The following WDR25 variants were observed in gnomAD, a reference collection of about 807,000 sequenced individuals.
The protein encoded by WDR25 is WD repeat-containing protein 25.
A neutral mutation model predicts 47.7 loss-of-function variants in WDR25; 35 were observed. That is an observed-to-expected ratio of 0.73 (90% CI 0.56 to 0.97). The LOEUF (loss-of-function observed/expected upper bound fraction) is 0.97, where lower values mean the gene tolerates loss of function less well. Among genes scored for constraint, WDR25 ranks in the 50% least tolerant of loss-of-function variants. WDR25 has a pLI of 0.00. For missense variants in WDR25, 634 were observed against 704.7 expected (o/e 0.90, Z 1.14); for synonymous variants, 248 against 278.9 (o/e 0.89, Z 1.10).
Position 100,502,972 on chromosome 14 carries a change from T to A in WDR25, c.1101+18848T>A, listed in dbSNP as rs550970769. Among the ~76,000 whole-genome samples the A allele has an allele frequency of 5.3e-5, 8 of 152,148 alleles. No homozygotes were observed. Among genetic ancestry groups the A allele is most frequent in the African/African-American group, 1.4e-4 (6 of 41,510 alleles). On this transcript the variant is annotated intron_variant, in intron 4 of 6. Coordinates refer to ENST00000402312, the MANE Select transcript of WDR25 (RefSeq NM_001161476.3). The surrounding 1 kb of genome is among the most constrained non-coding windows in gnomAD (Gnocchi z 4.5). ...GTCTGTGAGTGTGTGTGTCTGTATG[T>A]GTGTCGGTGCATGTGTGTGTGTCCA...
chr14:100,488,262 C>T lies in WDR25; in HGVS notation c.1101+4138C>T, dbSNP rs1307658421. Among the ~76,000 whole-genome samples, 3 of 152,180 alleles carry T rather than the reference C, an allele frequency of 2.0e-5. No homozygotes were observed. Among genetic ancestry groups the T allele is most frequent in the Non-Finnish European group, 2.9e-5 (2 of 68,020 alleles). The stretch of plus-strand genomic sequence containing the variant: ...GTGCGTACTTACTTGAAACTGGCTT[C>T]CTGCCGCTGCTGCAGCATCCTCTGA... On this transcript the variant is annotated intron_variant, in intron 4 of 6. Coordinates refer to ENST00000402312, the MANE Select transcript of WDR25 (RefSeq NM_001161476.3). The surrounding 1 kb of genome is among the most constrained non-coding windows in gnomAD (Gnocchi z 4.2).
intron 2 of WDR25, among the ~76,000 whole-genome samples, chr14:100,461,170 C>T (rs375091965): frequency 5.9e-5 from 9 of 151,992 alleles, no homozygotes; most frequent in African/African-American, 1.7e-4. Context: ...GAACTGTGAT[C>T]GCACCACTTC....
chr14:100,445,492 A>G (rs2042722339), intron 2 of WDR25, among the ~76,000 whole-genome samples: 1 of 152,230 alleles, frequency 6.6e-6, no homozygotes, highest in South Asian at 2.1e-4. Flanking sequence ...GTTTCAAAAC[A>G]TCCTTTTGTA....
At chr14:100,390,398 TG>T (rs1451911040) in intron 2 of WDR25, among the ~76,000 whole-genome samples, 101 of 133,650 alleles carry the variant, frequency 7.6e-4, no homozygotes, top group Non-Finnish European at 1.3e-3. Context: ...AAGCTGTGTG[TG>T]TGTGTGTGTG....
intron 2 of WDR25, among the ~76,000 whole-genome samples, chr14:100,464,644 G>A (rs1421005445): frequency 6.7e-6 from 1 of 149,100 alleles, no homozygotes; most frequent in Non-Finnish European, 1.5e-5. Context: ...TCAACCCAGT[G>A]CATTTCATCT....
intron 4 of WDR25, among the ~76,000 whole-genome samples, chr14:100,518,079 T>G (rs1178260234): frequency 6.6e-6 from 1 of 152,234 alleles, no homozygotes; most frequent in Non-Finnish European, 1.5e-5. Context: ...CTGCTGTTCC[T>G]TCATCCCTGA....
At chr14:100,496,250 A>G (rs1467307725) in intron 4 of WDR25, among the ~76,000 whole-genome samples, 6 of 152,240 alleles carry the variant, frequency 3.9e-5, no homozygotes, top group Non-Finnish European at 8.8e-5. Flanking sequence ...GCATGCCTCA[A>G]AGAATTGGTT....
intron 2 of WDR25, among the ~76,000 whole-genome samples, chr14:100,431,713 AT>A (rs1215092627): frequency 0.059 from 6,929 of 117,268 alleles, 480 homozygotes; most frequent in African/African-American, 0.19. Context: ...TGCCCAACTA[AT>A]TTTTTTTTTT....
At chr14:100,491,873 A>G (rs937779615) in intron 4 of WDR25, among the ~76,000 whole-genome samples, 3 of 152,202 alleles carry the variant, frequency 2.0e-5, no homozygotes, top group African/African-American at 7.2e-5. Context: ...ACAGAACCCA[A>G]CGTATCTGTG....
chr14:100,513,269 A>T (rs1435731966), intron 4 of WDR25, among the ~76,000 whole-genome samples: 2 of 152,202 alleles, frequency 1.3e-5, no homozygotes, highest in African/African-American at 4.8e-5. Flanking sequence ...AGATTACGTC[A>T]TGAGGGCTCC....
At chr14:100,505,492 A>T (rs1170363976) in intron 4 of WDR25, among the ~76,000 whole-genome samples, 4 of 152,156 alleles carry the variant, frequency 2.6e-5, no homozygotes, top group Non-Finnish European at 1.5e-5. Flanking sequence ...CTGTAGCTTT[A>T]TAATAATTTT....
At chr14:100,517,537 T>C (rs1208868159) in intron 4 of WDR25, among the ~76,000 whole-genome samples, 1 of 152,180 alleles carries the variant, frequency 6.6e-6, no homozygotes, top group East Asian at 1.9e-4. Context: ...TTTTACCACT[T>C]CAAGTAAAAC....
intron 4 of WDR25, among the ~76,000 whole-genome samples, chr14:100,494,145 A>G (rs1414440546): frequency 6.6e-6 from 1 of 152,188 alleles, no homozygotes; most frequent in Admixed American, 6.5e-5. Flanking sequence ...TGCAGCCTCA[A>G]TGTCCTGGGC....
At chr14:100,464,910 G>A (rs897170020) in intron 2 of WDR25, among the ~76,000 whole-genome samples, 16 of 119,392 alleles carry the variant, frequency 1.3e-4, no homozygotes, top group African/African-American at 2.6e-4. Context: ...TCCTCTACCC[G>A]ATCTGCTCTC....
At chr14:100,451,939 A>T (rs896755523) in intron 2 of WDR25, among the ~76,000 whole-genome samples, 2 of 152,220 alleles carry the variant, frequency 1.3e-5, no homozygotes, top group Non-Finnish European at 2.9e-5. Context: ...CAATCTGCTG[A>T]TGACCCAAAG....
chr14:100,426,565 C>T (rs565752686), intron 2 of WDR25, among the ~76,000 whole-genome samples: 6 of 152,320 alleles, frequency 3.9e-5, no homozygotes, highest in Non-Finnish European at 8.8e-5. Flanking sequence ...GCGTATTTTG[C>T]GCAGGATTGG....
chr14:100,529,719 C>T lies in WDR25; in HGVS notation c.1414-101C>T, dbSNP rs949431974. On this transcript the variant is annotated intron_variant, in intron 6 of 6. Transcript: ENST00000402312. The surrounding 1 kb of genome is among the most constrained non-coding windows in gnomAD (Gnocchi z 5.1). ...ACACGAGGTGCGAAGCCCAGCTCTG[C>T]TCCGTCAGCTCGGGGCTTCAGCCTG... is the stretch of plus-strand genomic sequence containing the variant. 6.7e-6 allele frequency: 9 copies of T among 1,338,384 alleles called. No individual in the cohort carries two copies. Among genetic ancestry groups the T allele is most frequent in the African/African-American group, 1.4e-5 (1 of 69,332 alleles). 82.9% of individuals were successfully genotyped at this position (1,338,384 alleles called of 1,614,324 possible).
rs747425518 is a variant in WDR25, at chr14:100,381,064, G to A, written c.140G>A (p.Gly47Glu). Residue 47 changes from glycine to glutamate, a missense_variant, in exon 2 of 7, where the codon GGG becomes GAG. By Grantham distance (98) the Gly-to-Glu change is moderately conservative. Transcript: ENST00000402312. ...ACTTCTGGTGTGGCCAGACCACCTG[G>A]GCAGGATTTTGCATCTGGTACACTG... is the stretch of plus-strand genomic sequence containing the variant. Reference protein sequence around the residue: ...KDTSGVARPPGQDFASGTLDV... With the variant: ...KDTSGVARPPEQDFASGTLDV... 6.2e-6 allele frequency: 10 copies of A among 1,614,120 alleles called. No individual in the cohort carries two copies. In the Admixed American group the frequency reaches 1.0e-4, roughly 16 times the overall value.
At chr14:100,399,594 G>T (rs890988001) in intron 2 of WDR25, among the ~76,000 whole-genome samples, 7 of 152,108 alleles carry the variant, frequency 4.6e-5, no homozygotes, top group African/African-American at 1.7e-4. Flanking sequence ...CAACAGGCCA[G>T]TGAAGCTGTT....
Sources: allele counts gnomAD v4.1 joint callset (sites outside exome capture counted in the v4.1 genomes callset), GRCh38; gene constraint gnomAD v4.1.1; non-coding constraint Gnocchi (gnomAD v3.1); transcripts MANE v1.5; gene names NCBI Gene and HGNC (gene_info 2026-07-23, HGNC 2026-07-21).